NFAM1: variants seen among roughly 807,000 people sequenced by gnomAD.
The protein encoded by NFAM1 is NFAT activation molecule 1.
Under a neutral mutation model 29.0 loss-of-function variants are expected in NFAM1, and 17 were observed. That is an observed-to-expected ratio of 0.59 (90% CI 0.40 to 0.88). The LOEUF is 0.88. NFAM1 is among the 40% of genes least tolerant of loss of function. The pLI, the probability that NFAM1 is intolerant of heterozygous loss-of-function variation, is 0.00. For missense variants in NFAM1, 324 were observed against 344.6 expected (o/e 0.94, Z 0.47); for synonymous variants, 175 against 147.2 (o/e 1.19, Z -1.36).
chr22:42,391,734 C>A (rs1045401299), intron 4 of NFAM1, among the ~76,000 whole-genome samples: 2 of 151,834 alleles, frequency 1.3e-5, no homozygotes, highest in Non-Finnish European at 2.9e-5. Flanking sequence ...CATTTGAGGT[C>A]AGGAGTTCGA....
At chr22:42,429,298 G>A (rs559961338) in intron 1 of NFAM1, among the ~76,000 whole-genome samples, 1 of 152,328 alleles carries the variant, frequency 6.6e-6, no homozygotes, top group African/African-American at 2.4e-5. Flanking sequence ...TCTGCCCAGG[G>A]TGCCTGGGCA....
intron 1 of NFAM1, among the ~76,000 whole-genome samples, chr22:42,415,916 TC>T (rs1309098933): frequency 6.6e-6 from 1 of 152,034 alleles, no homozygotes; most frequent in African/African-American, 2.4e-5. Context: ...CGTGGCAACA[TC>T]CCCAGTCCAA....
At chr22:42,408,114 G>T (rs984666319) in intron 3 of NFAM1, among the ~76,000 whole-genome samples, 4 of 151,836 alleles carry the variant, frequency 2.6e-5, no homozygotes, top group Non-Finnish European at 5.9e-5. Context: ...GGCTGGTCTC[G>T]AACTCCTGAC....
intron 1 of NFAM1, 104 bp from the exon 2 acceptor site, chr22:42,411,840 G>C: frequency 1.3e-6 from 1 of 744,604 alleles, no homozygotes; most frequent in Admixed American, 2.2e-5. Context: ...GCTCACACCT[G>C]TAATTCCAAC....
At chr22:42,436,956 C>T (rs1210554799), upstream of NFAM1, 5 of 955,134 alleles carry the variant, frequency 5.2e-6, no homozygotes, top group Non-Finnish European at 6.2e-6. Context: ...AGTGACTCAC[C>T]TGCTTGAGGT....
chr22:42,401,536 G>C (rs578168987), intron 3 of NFAM1, among the ~76,000 whole-genome samples: 1 of 152,022 alleles, frequency 6.6e-6, no homozygotes, highest in South Asian at 2.1e-4. Context: ...AGGCTGGGCC[G>C]GGGCAAGGGG....
chr22:42,422,075 G>A (rs892198708), intron 1 of NFAM1, among the ~76,000 whole-genome samples: 3 of 152,160 alleles, frequency 2.0e-5, no homozygotes, highest in Non-Finnish European at 4.4e-5. Flanking sequence ...TTGGAATGGC[G>A]CCATCGGACA....
At chr22:42,399,396 G>A (rs1331724238) in intron 3 of NFAM1, among the ~76,000 whole-genome samples, 2 of 145,442 alleles carry the variant, frequency 1.4e-5, no homozygotes, top group Non-Finnish European at 3.0e-5. Context: ...GCAGTAAATC[G>A]AGATCACACC....
chr22:42,405,070 GGAA>G (rs1195603281), intron 3 of NFAM1, among the ~76,000 whole-genome samples: 3 of 152,126 alleles, frequency 2.0e-5, no homozygotes, highest in Non-Finnish European at 2.9e-5. Flanking sequence ...GGTGAGAGGA[GGAA>G]GAGGAAGGCA....
chr22:42,412,268 G>T (rs375032070), intron 1 of NFAM1, among the ~76,000 whole-genome samples: 2 of 151,306 alleles, frequency 1.3e-5, no homozygotes, highest in African/African-American at 2.4e-5. Flanking sequence ...CTCGTGCATC[G>T]TGTGAGCTTA....
chr22:42,436,079 C>T (rs1447112650), upstream of NFAM1, among the ~76,000 whole-genome samples: 2 of 152,174 alleles, frequency 1.3e-5, no homozygotes, highest in East Asian at 1.9e-4. Flanking sequence ...CTTGGCCTCC[C>T]GAAGTGCTGG....
At chr22:42,430,294 T>A (rs112348778) in intron 1 of NFAM1, among the ~76,000 whole-genome samples, 2 of 151,588 alleles carry the variant, frequency 1.3e-5, no homozygotes, top group African/African-American at 4.9e-5. Context: ...GCACAGTGGC[T>A]CACGCCTGTA....
At chr22:42,410,672 A>G (rs970669616) in intron 2 of NFAM1, among the ~76,000 whole-genome samples, 19 of 151,844 alleles carry the variant, frequency 1.3e-4, no homozygotes, top group Non-Finnish European at 2.5e-4. Flanking sequence ...AAAAAAAAAA[A>G]AGAGAGAGCA....
chr22:42,431,663 A>G (rs1351209558), intron 1 of NFAM1, among the ~76,000 whole-genome samples: 2 of 152,184 alleles, frequency 1.3e-5, no homozygotes, highest in East Asian at 1.9e-4. Context: ...ACACACTTGC[A>G]TCCTAAAACA....
chr22:42,385,426 G>A (rs1172187710), intron 5 of NFAM1, among the ~76,000 whole-genome samples: 1 of 129,866 alleles, frequency 7.7e-6, no homozygotes, highest in African/African-American at 3.0e-5. Context: ...TTGCCCTCCA[G>A]CCACATGGGC....
At chr22:42,421,237 G>C (rs922031467) in intron 1 of NFAM1, among the ~76,000 whole-genome samples, 3 of 152,210 alleles carry the variant, frequency 2.0e-5, no homozygotes, top group African/African-American at 7.2e-5. Flanking sequence ...GATCTCCTGA[G>C]GTCAGGAGTT....
upstream of NFAM1, chr22:42,436,983 G>A (rs1430001517): frequency 5.1e-6 from 5 of 984,136 alleles, no homozygotes; most frequent in African/African-American, 1.7e-5. Flanking sequence ...GGGGACCCGG[G>A]CTTTTCTACT....
chr22:42,405,653 A>G (rs534461353), intron 3 of NFAM1, among the ~76,000 whole-genome samples: 14 of 152,280 alleles, frequency 9.2e-5, no homozygotes, highest in African/African-American at 3.1e-4. Context: ...CCCTGGGCTC[A>G]TGAAAGCTGA....
At chr22:42,418,874 C>T (rs897170753) in intron 1 of NFAM1, among the ~76,000 whole-genome samples, 1 of 152,158 alleles carries the variant, frequency 6.6e-6, no homozygotes, top group Non-Finnish European at 1.5e-5. Flanking sequence ...GCTGAAGGCC[C>T]CTCAGGGGTG....
Sources: allele counts gnomAD v4.1 joint callset (sites outside exome capture counted in the v4.1 genomes callset), GRCh38; gene constraint gnomAD v4.1.1; transcripts MANE v1.5; gene names NCBI Gene and HGNC (gene_info 2026-07-23, HGNC 2026-07-21).